LRRTM4: variants seen among roughly 807,000 people sequenced by gnomAD.
LRRTM4 encodes leucine-rich repeat transmembrane neuronal protein 4.
LRRTM4 carries 25 observed loss-of-function variants against 47.6 expected under a neutral mutation model. The ratio of observed to expected loss-of-function variants is 0.53; its 90% confidence interval spans 0.38 to 0.73. The LOEUF (loss-of-function observed/expected upper bound fraction) is 0.73. Ranked by LOEUF, LRRTM4 falls within the 30% of genes least tolerant of loss-of-function variation. The probability of loss-of-function intolerance (pLI) is 0.00; values close to 1 mark genes in which losing one functional copy is unlikely to be tolerated. For synonymous variants in LRRTM4, 311 were observed against 269.5 expected (o/e 1.15, Z -1.51); for missense variants, 638 against 713.4 (o/e 0.89, Z 1.20).
chr2:77,370,533 G>C (rs1352424335), intron 3 of LRRTM4, among the ~76,000 whole-genome samples: 1 of 151,438 alleles, frequency 6.6e-6, no homozygotes, highest in African/African-American at 2.4e-5. Context: ...TATTTATATG[G>C]CTGCTGAGCA....
At chr2:76,815,058 G>A (rs1221330232) in intron 3 of LRRTM4, among the ~76,000 whole-genome samples, 1 of 152,008 alleles carries the variant, frequency 6.6e-6, no homozygotes, top group Admixed American at 6.6e-5. Context: ...GAGCTTCACT[G>A]TGCTTGTTCT....
intron 3 of LRRTM4, among the ~76,000 whole-genome samples, chr2:77,456,824 T>C (rs537265530): frequency 6.6e-6 from 1 of 151,680 alleles, no homozygotes; most frequent in Admixed American, 6.6e-5. Context: ...ACTGAAATAC[T>C]TTCTTCTCTA....
At chr2:76,928,289 C>G (rs1674654200) in intron 3 of LRRTM4, among the ~76,000 whole-genome samples, 1 of 152,124 alleles carries the variant, frequency 6.6e-6, no homozygotes, top group South Asian at 2.1e-4. Context: ...TCAGTTCTCT[C>G]ATTTAAAACA....
intron 3 of LRRTM4, among the ~76,000 whole-genome samples, chr2:76,806,538 G>A (rs1172399313): frequency 9.9e-5 from 15 of 152,088 alleles, no homozygotes; most frequent in East Asian, 5.8e-4. Flanking sequence ...CCAAGATCAC[G>A]TCATTGCACT....
chr2:77,361,660 T>G (rs2104316958), intron 3 of LRRTM4, among the ~76,000 whole-genome samples: 1 of 152,284 alleles, frequency 6.6e-6, no homozygotes, highest in Middle Eastern at 3.4e-3. Context: ...GCTATAAAAA[T>G]AAATACAAAT....
At chr2:77,067,999 T>C (rs1044375011) in intron 3 of LRRTM4, among the ~76,000 whole-genome samples, 1 of 152,154 alleles carries the variant, frequency 6.6e-6, no homozygotes, top group African/African-American at 2.4e-5. Context: ...TATCAATTTA[T>C]ACGGAGGATA....
intron 3 of LRRTM4, among the ~76,000 whole-genome samples, chr2:77,031,857 C>G (rs143819197): frequency 6.6e-6 from 1 of 152,100 alleles, no homozygotes; most frequent in Non-Finnish European, 1.5e-5. Flanking sequence ...CTACTTGACA[C>G]GTCTTCCTGA....
At chr2:77,248,255 T>C (rs1381012938) in intron 3 of LRRTM4, among the ~76,000 whole-genome samples, 1 of 151,834 alleles carries the variant, frequency 6.6e-6, no homozygotes, top group East Asian at 1.9e-4. Flanking sequence ...ATGTTTTTAA[T>C]ATGTGTGTAT....
intron 3 of LRRTM4, among the ~76,000 whole-genome samples, chr2:76,866,022 T>C (rs148354415): frequency 6.6e-6 from 1 of 152,248 alleles, no homozygotes; most frequent in East Asian, 1.9e-4. Context: ...ATTTACTCAG[T>C]AGCCACCGTG....
chr2:77,080,805 C>G (rs1277393178), intron 3 of LRRTM4, among the ~76,000 whole-genome samples: 2 of 152,202 alleles, frequency 1.3e-5, no homozygotes, highest in African/African-American at 4.8e-5. Flanking sequence ...AGGTACTTAA[C>G]AATGCCTATA....
intron 3 of LRRTM4, among the ~76,000 whole-genome samples, chr2:77,293,638 C>A (rs1249332213): frequency 6.6e-6 from 1 of 152,068 alleles, no homozygotes; most frequent in African/African-American, 2.4e-5. Context: ...TGTGAAAAAA[C>A]ATTGTGATTG....
intron 3 of LRRTM4, among the ~76,000 whole-genome samples, chr2:77,223,312 C>T (rs1039043068): frequency 3.3e-5 from 5 of 152,142 alleles, no homozygotes; most frequent in African/African-American, 1.2e-4. Flanking sequence ...ACAGGGATGG[C>T]CTCTCTCACC....
At chr2:77,434,760 A>G (rs1480090948) in intron 3 of LRRTM4, among the ~76,000 whole-genome samples, 1 of 152,174 alleles carries the variant, frequency 6.6e-6, no homozygotes, top group East Asian at 1.9e-4. Flanking sequence ...AAGCATAGTG[A>G]TTTGCCCAAG....
intron 3 of LRRTM4, among the ~76,000 whole-genome samples, chr2:76,944,098 C>T (rs556041347): frequency 6.6e-5 from 10 of 152,196 alleles, no homozygotes; most frequent in Admixed American, 1.3e-4. Flanking sequence ...TGATGTCCTT[C>T]ATAATTGCCC....
chr2:76,794,969 A>G (rs1334979201), intron 3 of LRRTM4, among the ~76,000 whole-genome samples: 1 of 152,234 alleles, frequency 6.6e-6, no homozygotes, highest in African/African-American at 2.4e-5. Flanking sequence ...ATCTTAATCT[A>G]AGGGTGGCTG....
chr2:76,830,507 AGTGTGTGCGTGTGTGTGTGTGT>A (rs1461701645), intron 3 of LRRTM4, among the ~76,000 whole-genome samples: 2 of 119,026 alleles, frequency 1.7e-5, no homozygotes, highest in Non-Finnish European at 3.3e-5. Context: ...TATGTGTGGC[AGTGTGTGCGTGTGTGTGTGTGT>A]GTGTGTGTGT....
At chr2:76,971,210 T>C (rs1487491850) in intron 3 of LRRTM4, among the ~76,000 whole-genome samples, 1 of 152,046 alleles carries the variant, frequency 6.6e-6, no homozygotes, top group African/African-American at 2.4e-5. Context: ...CTGAGGATCA[T>C]CTGTATCTGC....
intron 3 of LRRTM4, among the ~76,000 whole-genome samples, chr2:77,272,044 C>A (rs539187267): frequency 5.3e-5 from 8 of 152,042 alleles, no homozygotes; most frequent in Non-Finnish European, 1.2e-4. Flanking sequence ...ATTCTTAGTC[C>A]TCCTTCAACA....
chr2:76,769,811 C>G (rs908671388), intron 3 of LRRTM4, among the ~76,000 whole-genome samples: 5 of 152,036 alleles, frequency 3.3e-5, no homozygotes, highest in Non-Finnish European at 7.4e-5. Context: ...TTGTATTTTT[C>G]ATAGGAAAAA....
Sources: allele counts gnomAD v4.1 joint callset (sites outside exome capture counted in the v4.1 genomes callset), GRCh38; gene constraint gnomAD v4.1.1; transcripts MANE v1.5; gene names NCBI Gene and HGNC (gene_info 2026-07-23, HGNC 2026-07-21).